The following MFHAS1 variants were observed in gnomAD, a reference collection of about 807,000 sequenced individuals.
MFHAS1 encodes multifunctional ROCO family signaling regulator 1.
A neutral mutation model predicts 70.4 loss-of-function variants in MFHAS1; 50 were observed. The ratio of observed to expected loss-of-function variants is 0.71; its 90% CI spans 0.57 to 0.90. The LOEUF is 0.90. MFHAS1 is among the 40% of genes least tolerant of loss of function. The probability of loss-of-function intolerance (pLI) is 0.00; values close to 1 mark genes in which losing one functional copy is unlikely to be tolerated. For missense variants in MFHAS1, 1,795 were observed against 1,347.6 expected (o/e 1.33, Z -5.20); for synonymous variants, 952 against 620.0 (o/e 1.54, Z -7.96).
Position 8,891,646 on chromosome 8 carries a change from C to G in MFHAS1, c.1413G>C (p.Leu471=). ...TSWTADASRG[L]RFIVYDLAGD... ...CAGCTAAGTCATACACGATGAACCG[C>G]AGGCCCCGGGAGGCATCGGCCGTCC... Residue 471 remains leucine, a synonymous_variant, in exon 1 of 3, where the codon CTG becomes CTC. Coordinates refer to ENST00000276282, the MANE Select transcript of MFHAS1 (RefSeq NM_004225.3). This position sits in a 1 kb window ranked among gnomAD's most constrained non-coding sequence, Gnocchi z 5.4. The G allele has an allele frequency of 6.2e-7, 1 of 1,613,654 alleles. No individual in the cohort carries two copies. The highest frequency in any genetic ancestry group is 1.1e-5 in the South Asian group (1 of 91,082).
intron 1 of MFHAS1, among the ~76,000 whole-genome samples, chr8:8,884,021 G>T (rs1809645915): frequency 7.1e-6 from 1 of 141,562 alleles, no homozygotes; most frequent in Admixed American, 7.3e-5. Context: ...AACATAAAAA[G>T]GCCCTATCTC....
intron 1 of MFHAS1, among the ~76,000 whole-genome samples, chr8:8,865,202 A>C (rs1374924677): frequency 4.8e-5 from 7 of 144,606 alleles, no homozygotes. Flanking sequence ...GCTCGAACCC[A>C]GGAGCTGGAG....
intron 1 of MFHAS1, among the ~76,000 whole-genome samples, chr8:8,837,077 T>C (rs978861486): frequency 1.3e-5 from 2 of 152,200 alleles, no homozygotes; most frequent in Admixed American, 6.5e-5. Context: ...CAAAACATAA[T>C]AACTAGGCTC....
intron 1 of MFHAS1, among the ~76,000 whole-genome samples, chr8:8,845,273 C>G (rs1288620189): frequency 6.6e-6 from 1 of 152,208 alleles, no homozygotes; most frequent in Non-Finnish European, 1.5e-5. Context: ...GTCCTATAGA[C>G]ACTTAAAAAC....
intron 1 of MFHAS1, among the ~76,000 whole-genome samples, chr8:8,870,201 C>T (rs535742830): frequency 2.3e-4 from 35 of 151,804 alleles, no homozygotes; most frequent in African/African-American, 8.2e-4. Flanking sequence ...AACCTGTAAT[C>T]CCAGCACTTC....
intron 2 of MFHAS1, among the ~76,000 whole-genome samples, chr8:8,793,000 G>T (rs958405349): frequency 1.1e-4 from 16 of 152,144 alleles, no homozygotes; most frequent in African/African-American, 3.9e-4. Context: ...ATTTCTATCT[G>T]ATAATCAGCA....
chr8:8,892,618 C>T lies in MFHAS1; in HGVS notation c.441G>A (p.Leu147=), dbSNP rs1162767707. 6.2e-7 allele frequency: 1 copy of T among 1,607,474 alleles called. No individual in the cohort carries two copies. Among genetic ancestry groups the T allele is most frequent in the Non-Finnish European group, 8.5e-7 (1 of 1,177,590 alleles). The part of the protein sequence containing the change: ...LRKLNLSHNQ[L]PALPAQLGAL... ...CGCCCAGCTGGGCGGGCAGGGCGGGCAGCTGGTTGTGGCTGAGGTTGAGCT... is the reference window on the plus strand; with the variant it reads ...CGCCCAGCTGGGCGGGCAGGGCGGGTAGCTGGTTGTGGCTGAGGTTGAGCT... Residue 147 remains leucine (L), a synonymous_variant, in exon 1 of 3, where the codon CTG becomes CTA. Coordinates refer to ENST00000276282, the MANE Select transcript of MFHAS1 (RefSeq NM_004225.3). The surrounding 1 kb of genome is among the most constrained non-coding windows in gnomAD (Gnocchi z 4.7).
intron 1 of MFHAS1, among the ~76,000 whole-genome samples, chr8:8,860,881 A>T (rs569949672): frequency 2.3e-4 from 35 of 152,344 alleles, no homozygotes; most frequent in African/African-American, 8.2e-4. Context: ...ATACGCATAC[A>T]TATTTATGTA....
intron 1 of MFHAS1, among the ~76,000 whole-genome samples, chr8:8,885,058 C>T (rs1310651477): frequency 6.6e-6 from 1 of 152,060 alleles, no homozygotes; most frequent in African/African-American, 2.4e-5. Context: ...GTGTCTCTGG[C>T]TCAGAAGCAG....
chr8:8,835,106 T>G (rs1033841726), intron 1 of MFHAS1, among the ~76,000 whole-genome samples: 1 of 152,178 alleles, frequency 6.6e-6, no homozygotes, highest in African/African-American at 2.4e-5. Flanking sequence ...TAGGGCAACC[T>G]AATTCCCATG....
rs1226236983 is a variant in MFHAS1 at position 8,823,548 on chromosome 8, AC to A, written c.2999-26058del. 2.0e-5 allele frequency among the ~76,000 whole-genome samples: 3 copies of A among 152,174 alleles called. No homozygotes were observed. The East Asian group carries it at 5.8e-4, about 29-fold the overall frequency. The stretch of plus-strand genomic sequence containing the variant: ...TAAATAGTCTGTTCCAGCTTAAAAT[AC>A]TGTAAAAATATATTTTCTACTTAAT... On this transcript the variant is annotated intron_variant, in intron 1 of 2. Coordinates refer to ENST00000276282, the MANE Select transcript of MFHAS1 (RefSeq NM_004225.3).
intron 1 of MFHAS1, among the ~76,000 whole-genome samples, chr8:8,807,233 C>G (rs931872511): frequency 4.1e-4 from 63 of 152,124 alleles, no homozygotes; most frequent in Admixed American, 1.3e-3. Context: ...AACATAAATG[C>G]TTTCTATGCC....
chr8:8,880,384 A>G lies in MFHAS1; in HGVS notation c.2998+9677T>C, dbSNP rs1468311571. Among the ~76,000 whole-genome samples the G allele has an allele frequency of 2.0e-5, 3 of 152,220 alleles. No homozygotes were observed. The East Asian group carries it at 5.8e-4, about 29-fold the overall frequency. On this transcript the variant is annotated intron_variant, in intron 1 of 2. Transcript: ENST00000276282. ...AATGACAGGGAATAGTTTACTTTAA[A>G]ATGGCTTTTTCATATTATGTGACTT...
chr8:8,812,842 C>T (rs929136011), intron 1 of MFHAS1, among the ~76,000 whole-genome samples: 2 of 152,108 alleles, frequency 1.3e-5, no homozygotes, highest in African/African-American at 4.8e-5. Flanking sequence ...TCTGAGCTCA[C>T]TGCAACCTCC....
intron 1 of MFHAS1, among the ~76,000 whole-genome samples, chr8:8,841,480 A>C (rs1807822388): frequency 6.6e-6 from 1 of 151,854 alleles, no homozygotes; most frequent in African/African-American, 2.4e-5. Context: ...AAAAAAAAAA[A>C]GACTTCTTTT....
chr8:8,863,593 T>C (rs1288188454), intron 1 of MFHAS1, among the ~76,000 whole-genome samples: 1 of 152,156 alleles, frequency 6.6e-6, no homozygotes, highest in Non-Finnish European at 1.5e-5. Flanking sequence ...TTCCAGACCA[T>C]ATCATTAAAA....
chr8:8,872,953 C>A (rs991947624), intron 1 of MFHAS1, among the ~76,000 whole-genome samples: 6 of 152,072 alleles, frequency 3.9e-5, no homozygotes, highest in Admixed American at 3.3e-4. Flanking sequence ...AAGAGTGAGA[C>A]GGAGACAACC....
intron 1 of MFHAS1, among the ~76,000 whole-genome samples, chr8:8,838,159 A>G (rs1563197770): frequency 6.6e-6 from 1 of 152,232 alleles, no homozygotes; most frequent in Non-Finnish European, 1.5e-5. Context: ...AGGTCAGACA[A>G]AAGACTATCC....
chr8:8,887,175 T>C (rs972008761), intron 1 of MFHAS1, among the ~76,000 whole-genome samples: 3 of 152,164 alleles, frequency 2.0e-5, no homozygotes, highest in Non-Finnish European at 4.4e-5. Context: ...AGGCTGCCAA[T>C]AGATTCAAAG....
Sources: gnomAD v4.1 joint callset for allele counts (sites outside exome capture counted in the v4.1 genomes callset) on GRCh38, gnomAD v4.1.1 for gene constraint, Gnocchi (gnomAD v3.1) non-coding constraint, MANE v1.5 for transcripts, NCBI Gene and HGNC (gene_info 2026-07-23, HGNC 2026-07-21) for gene names.